The following DAW1 variants were observed in gnomAD, a reference collection of about 807,000 sequenced individuals.
The protein encoded by DAW1 is dynein assembly factor with WD repeat domains 1.
In DAW1, 47 loss-of-function variants were observed where a neutral mutation model predicts 56.5. The observed-to-expected ratio is 0.83, with a 90% CI of 0.66 to 1.06. DAW1 has a LOEUF of 1.06. DAW1 is among the 50% of genes least tolerant of loss of function. The pLI is 0.00. For synonymous variants in DAW1, 190 were observed against 179.0 expected (o/e 1.06, Z -0.49); for missense variants, 505 against 499.3 (o/e 1.01, Z -0.11).
At chr2:227,892,425 C>T (rs1338375611) in intron 4 of DAW1, among the ~76,000 whole-genome samples, 2 of 152,200 alleles carry the variant, frequency 1.3e-5, no homozygotes, top group African/African-American at 2.4e-5. Context: ...TGAGCCACCA[C>T]GCCCAGCCGT....
chr2:227,906,041 C>A (rs1317654991), intron 8 of DAW1, among the ~76,000 whole-genome samples, 195 bp from the exon 9 acceptor site: 2 of 152,186 alleles, frequency 1.3e-5, no homozygotes, highest in African/African-American at 4.8e-5. Flanking sequence ...AAGCGTGAGC[C>A]ACCGTGCCCG....
intron 1 of DAW1, among the ~76,000 whole-genome samples, chr2:227,875,241 T>A (rs1690852547): frequency 6.6e-6 from 1 of 152,186 alleles, no homozygotes. Context: ...ATCCAACAAT[T>A]TCTACTACCT....
chr2:227,921,371 T>G, intron 11 of DAW1, 28 bp from the exon 12 acceptor site: 1 of 1,463,014 alleles, frequency 6.8e-7, no homozygotes, highest in South Asian at 1.2e-5. Context: ...TACACAAAGC[T>G]GTGATCATTT....
intron 10 of DAW1, among the ~76,000 whole-genome samples, chr2:227,915,668 T>C (rs1431361970): frequency 1.3e-5 from 2 of 152,146 alleles, no homozygotes; most frequent in African/African-American, 4.8e-5. Flanking sequence ...TACTAGACTC[T>C]GTTTTGGTCT....
At chr2:227,874,313 C>T (rs1416698796) in intron 1 of DAW1, among the ~76,000 whole-genome samples, 1 of 152,306 alleles carries the variant, frequency 6.6e-6, no homozygotes, top group African/African-American at 2.4e-5. Flanking sequence ...CTACTAGACC[C>T]TTCCAGCTTC....
At chr2:227,902,944 A>G (rs944997612) in intron 6 of DAW1, 58 bp from the exon 7 acceptor site, 12 of 1,528,670 alleles carry the variant, frequency 7.8e-6, no homozygotes, top group Non-Finnish European at 1.1e-5. Context: ...TTTTCTGTGT[A>G]TAATTAACAC....
rs560465974 is a variant in DAW1, at chr2:227,871,637, T to G, written c.-53T>G. ...TGCGCACCCGCGTCCCGCTGCTGTT[T>G]AGCCGTTTCCAAGGCTACGAAGCCC... On this transcript the variant is annotated 5_prime_UTR_variant, in exon 1 of 13. Transcript: ENST00000309931. The G allele has an allele frequency of 1.2e-5, 19 of 1,601,004 alleles. No homozygotes were observed. In the South Asian group the frequency reaches 1.3e-4, roughly 11 times the overall value.
At chr2:227,907,781 CAG>C (rs1691721960) in intron 10 of DAW1, among the ~76,000 whole-genome samples, 3 of 152,190 alleles carry the variant, frequency 2.0e-5, no homozygotes, top group Admixed American at 2.0e-4. Context: ...CTCCTGACCT[CAG>C]ATGATCCACC....
chr2:227,872,034 G>T, intron 1 of DAW1: 1 of 403,234 alleles, frequency 2.5e-6, no homozygotes, highest in Admixed American at 4.2e-5. Context: ...CTTTAAAGAA[G>T]TTCATAGTGC....
intron 1 of DAW1, among the ~76,000 whole-genome samples, chr2:227,874,265 G>GCATGGGTA (rs2106182628): frequency 6.6e-6 from 1 of 152,286 alleles, no homozygotes; most frequent in East Asian, 1.9e-4. Flanking sequence ...TTCTATCAAA[G>GCATGGGTA]CATGGGTACA....
At position 227,907,122 on chromosome 2, in the gene DAW1, G is replaced by A. The variant is rs760656715; in HGVS notation, c.859-16G>A. 5.2e-6 allele frequency: 8 copies of A among 1,527,520 alleles called. No individual in the cohort carries two copies. Among genetic ancestry groups the A allele is most frequent in the Middle Eastern group, 1.7e-4 (1 of 5,718 alleles). The allele number at this position is 1,527,520 out of a possible 1,614,324, so 94.6% of individuals were successfully genotyped here. A position where few individuals can be genotyped will look rare whatever the true frequency, so the allele number is the denominator to read the frequency against. On this transcript the variant is annotated splice_polypyrimidine_tract_variant and intron_variant, in intron 9 of 12. Coordinates refer to ENST00000309931, the MANE Select transcript of DAW1 (RefSeq NM_178821.3). ...CATAGTCTTTTTTTTTTTGTTTTTT[G>A]TTCTTTTAATTGTAGCTGTGGGATG...
intron 5 of DAW1, among the ~76,000 whole-genome samples, chr2:227,897,615 G>A (rs1193635401): frequency 3.3e-5 from 5 of 152,142 alleles, no homozygotes; most frequent in Admixed American, 3.3e-4. Context: ...GCTCTGCCCC[G>A]CAGTCAATAT....
At position 227,914,153 on chromosome 2, in the gene DAW1, A is replaced by G. The variant is rs79567227; in HGVS notation, c.974-4627A>G. Reference sequence around the variant, plus strand: ...GTTTGATAACCGTGAGTGATGCTGTACTATGTCTGCACCACCTCCTTGATA... The same window carrying G: ...GTTTGATAACCGTGAGTGATGCTGTGCTATGTCTGCACCACCTCCTTGATA... On this transcript the variant is annotated intron_variant, in intron 10 of 12. Coordinates refer to ENST00000309931, the MANE Select transcript of DAW1 (RefSeq NM_178821.3). 1.2e-3 allele frequency among the ~76,000 whole-genome samples: 186 copies of G among 152,132 alleles called. 4 individuals are homozygous for G. In the East Asian group the frequency reaches 0.03, roughly 24 times the overall value.
chr2:227,906,488 A>G (rs926270188), intron 9 of DAW1, 150 bp downstream of exon 9: 17 of 633,888 alleles, frequency 2.7e-5, no homozygotes, highest in African/African-American at 5.6e-5. Context: ...TAAAATTTCT[A>G]GTTTTGGATT....
intron 6 of DAW1, among the ~76,000 whole-genome samples, chr2:227,900,661 A>C (rs1403637518): frequency 6.6e-6 from 1 of 152,174 alleles, no homozygotes; most frequent in Non-Finnish European, 1.5e-5. Context: ...AGAGGCATGC[A>C]ACAGTGATGT....
intron 10 of DAW1, chr2:227,912,600 G>A (rs888622156): frequency 3.2e-5 from 37 of 1,140,252 alleles, no homozygotes; most frequent in Middle Eastern, 5.2e-4. Flanking sequence ...AGTGATGACC[G>A]CCTATTCTGC....
chr2:227,905,884 A>G (rs1247407266), intron 8 of DAW1, among the ~76,000 whole-genome samples: 2 of 152,048 alleles, frequency 1.3e-5, no homozygotes, highest in African/African-American at 2.4e-5. Context: ...CCTCCCGATT[A>G]GCAGGGACTA....
Position 227,893,904 on chromosome 2 carries a change from AACAATCCTT to A in DAW1, c.430_438del (p.Asn144_Tyr146del), listed in dbSNP as rs1194856204. On this transcript the variant is annotated inframe_deletion, in exon 5 of 13. Transcript: ENST00000309931. ...GAATGTGGTTTATGCCATAGCATTC[AACAATCCTT>A]ACGGGTGTGTTCATCCCTTCACTTA... The A allele has an allele frequency of 4.4e-6, 7 of 1,609,112 alleles. No homozygotes were observed. The highest frequency in any genetic ancestry group is 5.9e-6 in the Non-Finnish European group (7 of 1,178,096).
intron 10 of DAW1, among the ~76,000 whole-genome samples, chr2:227,909,270 A>ATCTATCTATCTATCTATCTGTCTG (rs1553603365): frequency 2.1e-5 from 3 of 144,454 alleles, no homozygotes; most frequent in Admixed American, 7.0e-5. Flanking sequence ...CTATCTATCT[A>ATCTATCTATCTATCTATCTGTCTG]TCTGTCTGTC....
Sources: allele counts gnomAD v4.1 joint callset (sites outside exome capture counted in the v4.1 genomes callset), GRCh38; gene constraint gnomAD v4.1.1; transcripts MANE v1.5; gene names NCBI Gene and HGNC (gene_info 2026-07-23, HGNC 2026-07-21).